The following LLPH variants were observed in gnomAD, a reference collection of about 807,000 sequenced individuals.
The protein encoded by LLPH is LLP homolog, long-term synaptic facilitation factor.
In LLPH, 5 loss-of-function variants were observed where a neutral mutation model predicts 13.3. The observed-to-expected ratio is 0.38, with a 90% CI of 0.20 to 0.79. LLPH has a LOEUF of 0.79. Among genes scored for constraint, LLPH ranks in the 30% least tolerant of loss-of-function variants. The probability of loss-of-function intolerance (pLI) is 0.45; values close to 1 mark genes in which losing one functional copy is unlikely to be tolerated. For synonymous variants in LLPH, 32 were observed against 44.2 expected (o/e 0.72, Z 1.09); for missense variants, 129 against 152.1 (o/e 0.85, Z 0.80).
Position 66,123,550 on chromosome 12 carries a change from T to C in LLPH, c.*290A>G. 1 of 374,200 alleles carries C rather than the reference T, an allele frequency of 2.7e-6. No homozygotes were observed. The highest frequency in any genetic ancestry group is 4.8e-5 in the East Asian group (1 of 21,004). The allele number at this position is 374,200 out of a possible 1,614,324, so 23.2% of individuals were successfully genotyped here. A position where few individuals can be genotyped will look rare whatever the true frequency, so the allele number is the denominator to read the frequency against. On this transcript the variant is annotated 3_prime_UTR_variant, in exon 3 of 3. Transcript: ENST00000266604. ...CTATAATTACCAGTTGTAAGAACAA[T>C]TCTAACCATATTAATACCTGACAGA...
At chr12:66,130,108 C>T (rs10878382) in intron 1 of LLPH, among the ~76,000 whole-genome samples, 48,116 of 151,948 alleles carry the variant, frequency 0.32, 7,920 homozygotes, top group South Asian at 0.41. Context: ...ACGTCAGTGC[C>T]TTCATATTTG....
At chr12:66,127,127 T>A (rs534678117) in intron 2 of LLPH, among the ~76,000 whole-genome samples, 2 of 152,288 alleles carry the variant, frequency 1.3e-5, no homozygotes, top group Non-Finnish European at 2.9e-5. Context: ...CAGGTGGGAA[T>A]GTAAAATAGT....
chr12:66,124,116 G>C, intron 2 of LLPH, 98 bp from the exon 3 acceptor site: 1 of 747,786 alleles, frequency 1.3e-6, no homozygotes, highest in South Asian at 2.0e-5. Flanking sequence ...CATTAGAACT[G>C]AAGGTAGACC....
In LLPH at chr12:66,118,053, A is replaced by G. The variant is rs1471676915; in HGVS notation, c.*5787T>C. The G allele has an allele frequency of 6.6e-6, 1 of 152,144 alleles. No individual in the cohort carries two copies. The highest frequency in any genetic ancestry group is 1.5e-5 in the Non-Finnish European group (1 of 68,022). The allele number at this position is 152,144 out of a possible 1,614,324, so 9.4% of individuals were successfully genotyped here. On this transcript the variant is annotated 3_prime_UTR_variant, in exon 3 of 3. Coordinates refer to ENST00000266604, the MANE Select transcript of LLPH (RefSeq NM_032338.4). ...GTTTTTTATAAGTTTATGTAGCCTA[A>G]GTGCACAGTGTATATAAAGCCTACA... is the stretch of plus-strand genomic sequence containing the variant.
In LLPH at chr12:66,123,713, A is replaced by G. The variant is rs2051478333; in HGVS notation, c.*127T>C. The stretch of plus-strand genomic sequence containing the variant: ...AGTTATGCTGGGTTTGAATTGAAGA[A>G]AAAAGGCCAAGTTAAAATAGGAAAA... On this transcript the variant is annotated 3_prime_UTR_variant, in exon 3 of 3. Coordinates refer to ENST00000266604, the MANE Select transcript of LLPH (RefSeq NM_032338.4). 8 of 1,027,844 alleles carry G rather than the reference A, an allele frequency of 7.8e-6. No individual in the cohort carries two copies. The East Asian group carries it at 1.9e-4, about 25-fold the overall frequency. The allele number at this position is 1,027,844 out of a possible 1,614,324, so 63.7% of individuals were successfully genotyped here. A position where few individuals can be genotyped will look rare whatever the true frequency, so the allele number is the denominator to read the frequency against.
rs2051472610 is a variant in LLPH, at chr12:66,122,944, G to A, written c.*896C>T. 6.6e-6 allele frequency: 1 copy of A among 151,878 alleles called. No homozygotes were observed. The highest frequency in any genetic ancestry group is 6.6e-5 in the Admixed American group (1 of 15,252). 9.4% of individuals were successfully genotyped at this position (151,878 alleles called of 1,614,324 possible). A position where few individuals can be genotyped will look rare whatever the true frequency, so the allele number is the denominator to read the frequency against. On this transcript the variant is annotated 3_prime_UTR_variant, in exon 3 of 3. Coordinates refer to ENST00000266604, the MANE Select transcript of LLPH (RefSeq NM_032338.4). ...GTTCTAATTTCCTAAAAAGCATACTGATTTGTATATGTTAATATTCTACCT... is the reference window on the plus strand; with the variant it reads ...GTTCTAATTTCCTAAAAAGCATACTAATTTGTATATGTTAATATTCTACCT...
Position 66,120,117 on chromosome 12 carries a change from G to C in LLPH, c.*3723C>G, listed in dbSNP as rs1173864267. The C allele has an allele frequency of 6.6e-6, 1 of 151,834 alleles. No homozygotes were observed. Among genetic ancestry groups the C allele is most frequent in the East Asian group, 1.9e-4 (1 of 5,200 alleles). 9.4% of individuals were successfully genotyped at this position (151,834 alleles called of 1,614,324 possible). ...TCATGGCCTACACCTTCCCCTTTTG[G>C]ATTGGTCAGCCCATTCCTAATGAAG... On this transcript the variant is annotated 3_prime_UTR_variant, in exon 3 of 3. Coordinates refer to ENST00000266604, the MANE Select transcript of LLPH (RefSeq NM_032338.4).
At chr12:66,126,205 T>G (rs2051495329) in intron 2 of LLPH, among the ~76,000 whole-genome samples, 1 of 151,786 alleles carries the variant, frequency 6.6e-6, no homozygotes, top group East Asian at 1.9e-4. Flanking sequence ...GCGCCTGTAG[T>G]CCCAGCTACT....
intron 1 of LLPH, 91 bp from the exon 2 acceptor site, chr12:66,129,204 C>A (rs2051517649): frequency 1.2e-6 from 1 of 803,846 alleles, no homozygotes. Flanking sequence ...CAACAGGTAT[C>A]TCTACAAAAC....
rs1409009398 is a variant in LLPH at position 66,123,419 on chromosome 12, C to T, written c.*421G>A. ...GGATTACAGGTGTGAGCCACCATGC[C>T]CAGCCCTAATGTAGTATTTTTAAAT... On this transcript the variant is annotated 3_prime_UTR_variant, in exon 3 of 3. Transcript: ENST00000266604. 2 of 160,472 alleles carry T rather than the reference C, an allele frequency of 1.2e-5. No homozygotes were observed. Among genetic ancestry groups the T allele is most frequent in the Non-Finnish European group, 2.7e-5 (2 of 73,676 alleles). The allele number at this position is 160,472 out of a possible 1,614,324, so 9.9% of individuals were successfully genotyped here. A position where few individuals can be genotyped will look rare whatever the true frequency, so the allele number is the denominator to read the frequency against.
chr12:66,126,248 C>T (rs978188608), intron 2 of LLPH, among the ~76,000 whole-genome samples: 3 of 150,674 alleles, frequency 2.0e-5, no homozygotes, highest in Admixed American at 6.6e-5. Context: ...GGCGCGAACC[C>T]GGGAGATGGA....
rs912788561 is a variant in LLPH at position 66,117,709 on chromosome 12, C to T, written c.*6131G>A. The stretch of plus-strand genomic sequence containing the variant: ...GTGTTGCTCTCATAGGAGATGGCAA[C>T]TCCATGCCTGTTATTGCCCCTGAAG... On this transcript the variant is annotated 3_prime_UTR_variant, in exon 3 of 3. Transcript: ENST00000266604. 4.6e-5 allele frequency: 7 copies of T among 152,226 alleles called. No homozygotes were observed. Among genetic ancestry groups the T allele is most frequent in the African/African-American group, 1.4e-4 (6 of 41,450 alleles). 9.4% of individuals were successfully genotyped at this position (152,226 alleles called of 1,614,324 possible).
At chr12:66,127,818 TTTTC>T (rs1208309388) in intron 2 of LLPH, among the ~76,000 whole-genome samples, 3 of 152,172 alleles carry the variant, frequency 2.0e-5, no homozygotes, top group East Asian at 3.9e-4. Flanking sequence ...AGGGAGAAAT[TTTTC>T]TTTCTTTCTT....
intron 2 of LLPH, among the ~76,000 whole-genome samples, chr12:66,128,100 G>A (rs1036002543): frequency 6.6e-6 from 1 of 152,108 alleles, no homozygotes; most frequent in Admixed American, 6.5e-5. Flanking sequence ...GAAGTAAAAT[G>A]CTTTTTGTAA....
chr12:66,128,144 T>C (rs1233199327), intron 2 of LLPH, among the ~76,000 whole-genome samples: 3 of 151,710 alleles, frequency 2.0e-5, no homozygotes, highest in Non-Finnish European at 2.9e-5. Flanking sequence ...AAGGATGAAA[T>C]GGGAAGAAGA....
chr12:66,125,081 G>T (rs74989480), intron 2 of LLPH, among the ~76,000 whole-genome samples: 2,880 of 152,248 alleles, frequency 0.019, 92 homozygotes, highest in African/African-American at 0.064. Context: ...GCAAAAAAAA[G>T]AACTGGTAGG....
chr12:66,128,253 T>C (rs1369535891), intron 2 of LLPH, among the ~76,000 whole-genome samples: 2 of 152,208 alleles, frequency 1.3e-5, no homozygotes, highest in Non-Finnish European at 2.9e-5. Context: ...ATCAAATACA[T>C]GTATTTCTAT....
chr12:66,128,555 T>A (rs2051511816), intron 2 of LLPH, among the ~76,000 whole-genome samples: 1 of 152,184 alleles, frequency 6.6e-6, no homozygotes, highest in Non-Finnish European at 1.5e-5. Flanking sequence ...CCTAGATTTG[T>A]CTACTCCTGT....
chr12:66,127,607 T>C lies in LLPH; in HGVS notation c.211+1289A>G, dbSNP rs923877222. Among the ~76,000 whole-genome samples, 6 of 152,316 alleles carry C rather than the reference T, an allele frequency of 3.9e-5. No homozygotes were observed. The South Asian group carries it at 1.2e-3, about 32-fold the overall frequency. On this transcript the variant is annotated intron_variant, in intron 2 of 2. Coordinates refer to ENST00000266604, the MANE Select transcript of LLPH (RefSeq NM_032338.4). ...AGAGGTGATGGTTGCACAACATGAATGTACTAAATACCACTGAACTGTACA... is the reference window on the plus strand; with the variant it reads ...AGAGGTGATGGTTGCACAACATGAACGTACTAAATACCACTGAACTGTACA...
Sources: allele counts gnomAD v4.1 joint callset (sites outside exome capture counted in the v4.1 genomes callset), GRCh38; gene constraint gnomAD v4.1.1; transcripts MANE v1.5; gene names NCBI Gene and HGNC (gene_info 2026-07-23, HGNC 2026-07-21).